CTXND1: variants seen among roughly 807,000 people sequenced by gnomAD.
The protein encoded by CTXND1 is cortexin domain-containing 1 protein.
At chr15:80,229,764 T>A (rs929486568) in intron 1 of CTXND1, among the ~76,000 whole-genome samples, 1 of 152,230 alleles carries the variant, frequency 6.6e-6, no homozygotes, top group African/African-American at 2.4e-5. Context: ...GCAGTCCTGG[T>A]ATAGCGTGCT....
rs536958950 is a variant in CTXND1 at position 80,239,542 on chromosome 15, T to C, written c.-218+12465A>G. Among the ~76,000 whole-genome samples the C allele has an allele frequency of 2.0e-5, 3 of 152,364 alleles. No individual in the cohort carries two copies. In the East Asian group the frequency reaches 5.8e-4, roughly 29 times the overall value. ...GCCTACATCTTTCTCCCATGCTGGATGCTTCCTGCCCTCGAACATCTGACT... is the reference window on the plus strand; with the variant it reads ...GCCTACATCTTTCTCCCATGCTGGACGCTTCCTGCCCTCGAACATCTGACT... On this transcript the variant is annotated intron_variant, in intron 1 of 2. Transcript: ENST00000560778.
At position 80,232,941 on chromosome 15, in the gene CTXND1, CTT is replaced by C. The variant is rs71455324; in HGVS notation, c.-218+19064_-218+19065del. Among the ~76,000 whole-genome samples the C allele has an allele frequency of 7.1e-4, 88 of 123,188 alleles. 1 individual carries two copies. The highest frequency in any genetic ancestry group is 2.2e-3 in the East Asian group (9 of 4,158). The allele number at this position is 123,188 out of a possible 152,430, so 80.8% of individuals were successfully genotyped here. On this transcript the variant is annotated intron_variant, in intron 1 of 2. Transcript: ENST00000560778. ...GATATTAGACGAAAAATGCAACTTC[CTT>C]TTTTTTTTTTTTTTTTTGAGACTGA...
intron 1 of CTXND1, among the ~76,000 whole-genome samples, chr15:80,234,605 G>A (rs769109291): frequency 7.9e-5 from 12 of 151,860 alleles, no homozygotes; most frequent in Non-Finnish European, 1.6e-4. Flanking sequence ...AGCCTCCTGA[G>A]TAGCTGGGAA....
At position 80,195,936 on chromosome 15, in the gene CTXND1, G is replaced by A. The variant is rs776238111; in HGVS notation, c.*5834C>T. 1.3e-5 allele frequency: 2 copies of A among 152,186 alleles called. No individual in the cohort carries two copies. Among genetic ancestry groups the A allele is most frequent in the African/African-American group, 2.4e-5 (1 of 41,432 alleles). The allele number at this position is 152,186 out of a possible 1,614,324, so 9.4% of individuals were successfully genotyped here. On this transcript the variant is annotated 3_prime_UTR_variant, in exon 3 of 3. Transcript: ENST00000560778. ...GTCTGTTAAATTGGAAGATGATCTTGTGCCATCTGGGGCTCCTTATGTTGA... is the reference window on the plus strand; with the variant it reads ...GTCTGTTAAATTGGAAGATGATCTTATGCCATCTGGGGCTCCTTATGTTGA...
chr15:80,251,082 G>A (rs1295720935), intron 1 of CTXND1, among the ~76,000 whole-genome samples: 1 of 152,168 alleles, frequency 6.6e-6, no homozygotes, highest in Non-Finnish European at 1.5e-5. Flanking sequence ...GGTTAGAATG[G>A]AACTTCTCCC....
At chr15:80,248,885 C>G (rs559387467) in intron 1 of CTXND1, among the ~76,000 whole-genome samples, 41 of 152,238 alleles carry the variant, frequency 2.7e-4, no homozygotes, top group Non-Finnish European at 4.3e-4. Context: ...ATTTTAATTA[C>G]CCATGTCTGC....
At chr15:80,246,940 T>G (rs1893637977) in intron 1 of CTXND1, among the ~76,000 whole-genome samples, 1 of 152,186 alleles carries the variant, frequency 6.6e-6, no homozygotes, top group Non-Finnish European at 1.5e-5. Context: ...GTCACATACA[T>G]TTTCCCAGGC....
intron 1 of CTXND1, among the ~76,000 whole-genome samples, chr15:80,224,563 A>G (rs1893353122): frequency 6.6e-6 from 1 of 152,178 alleles, no homozygotes; most frequent in Non-Finnish European, 1.5e-5. Context: ...TTCCGTATAA[A>G]TTCAGTTTAT....
chr15:80,251,189 G>A (rs1271115997), intron 1 of CTXND1, among the ~76,000 whole-genome samples: 2 of 152,172 alleles, frequency 1.3e-5, no homozygotes, highest in Non-Finnish European at 2.9e-5. Flanking sequence ...TGGTGAGGCG[G>A]TGCATCAGCT....
At chr15:80,216,240 T>C (rs1403215249) in intron 1 of CTXND1, among the ~76,000 whole-genome samples, 1 of 152,186 alleles carries the variant, frequency 6.6e-6, no homozygotes, top group Non-Finnish European at 1.5e-5. Context: ...GCTGGACATA[T>C]GGCAAAAGGG....
chr15:80,244,813 G>A (rs992110263), intron 1 of CTXND1, among the ~76,000 whole-genome samples: 2 of 152,040 alleles, frequency 1.3e-5, no homozygotes, highest in Non-Finnish European at 2.9e-5. Flanking sequence ...CCCTAACACC[G>A]TCGGCACCTT....
intron 1 of CTXND1, among the ~76,000 whole-genome samples, chr15:80,213,635 A>G (rs556462914): frequency 7.9e-5 from 12 of 152,220 alleles, no homozygotes; most frequent in Non-Finnish European, 7.3e-5. Context: ...AAGGATAAGA[A>G]AAATCTAAAG....
chr15:80,223,812 CA>C (rs5814006), intron 1 of CTXND1, among the ~76,000 whole-genome samples: 41,151 of 141,148 alleles, frequency 0.29, 5,902 homozygotes, highest in East Asian at 0.49. Flanking sequence ...GCTTTTTGGC[CA>C]AAAAAAAAAA....
rs939272231 is a variant in CTXND1 at position 80,197,266 on chromosome 15, T to C, written c.*4504A>G. ...TATTTTTTGTAGATAAACAGATTCT[T>C]GCTTATGTTGCCAGGCTGGTTTCAA... On this transcript the variant is annotated 3_prime_UTR_variant, in exon 3 of 3. Coordinates refer to ENST00000560778, the MANE Select transcript of CTXND1 (RefSeq NM_001352888.2). 6.6e-6 allele frequency: 1 copy of C among 152,128 alleles called. No individual in the cohort carries two copies. Among genetic ancestry groups the C allele is most frequent in the African/African-American group, 2.4e-5 (1 of 41,420 alleles). The allele number at this position is 152,128 out of a possible 1,614,324, so 9.4% of individuals were successfully genotyped here.
intron 1 of CTXND1, among the ~76,000 whole-genome samples, chr15:80,226,805 G>A (rs182284956): frequency 1.3e-5 from 2 of 152,262 alleles, no homozygotes; most frequent in African/African-American, 2.4e-5. Context: ...TCCTATACCC[G>A]TCTGCTGCAT....
intron 1 of CTXND1, among the ~76,000 whole-genome samples, chr15:80,204,647 G>GTATATATGTA (rs1893127765): frequency 7.6e-6 from 1 of 131,342 alleles, no homozygotes; most frequent in South Asian, 2.6e-4. Context: ...ATATTCCATT[G>GTATATATGTA]TATATATATA....
chr15:80,203,779 G>A (rs917285974), intron 1 of CTXND1, 39 bp from the exon 2 acceptor site: 1 of 152,154 alleles, frequency 6.6e-6, no homozygotes, highest in Non-Finnish European at 1.5e-5. Context: ...GTTATTTCCT[G>A]AGATGCCCAG....
At chr15:80,230,189 C>T (rs973416853) in intron 1 of CTXND1, among the ~76,000 whole-genome samples, 1 of 152,154 alleles carries the variant, frequency 6.6e-6, no homozygotes, top group Admixed American at 6.5e-5. Context: ...AATTCTGTTT[C>T]CAGATCCGCA....
At chr15:80,211,125 G>C (rs1333419945) in intron 1 of CTXND1, among the ~76,000 whole-genome samples, 1 of 152,194 alleles carries the variant, frequency 6.6e-6, no homozygotes, top group Admixed American at 6.5e-5. Context: ...TGCCTCTGTG[G>C]AGCCAGGCCA....
Sources: gnomAD v4.1 joint callset for allele counts (sites outside exome capture counted in the v4.1 genomes callset) on GRCh38, gnomAD v4.1.1 for gene constraint, MANE v1.5 for transcripts, NCBI Gene and HGNC (gene_info 2026-07-23, HGNC 2026-07-21) for gene names.